Variants in POT1 observed in about 807,000 individuals in gnomAD.
POT1 encodes the protein protection of telomeres protein 1.
A neutral mutation model predicts 78.5 loss-of-function variants in POT1; 47 were observed. That is an observed-to-expected ratio of 0.60 (90% CI 0.47 to 0.76). The LOEUF (loss-of-function observed/expected upper bound fraction) is 0.76. Among genes scored for constraint, POT1 ranks in the 30% least tolerant of loss-of-function variants. The pLI is 0.00. For missense variants in POT1, 646 were observed against 749.9 expected (o/e 0.86, Z 1.62); for synonymous variants, 259 against 260.7 (o/e 0.99, Z 0.06).
intron 14 of POT1, among the ~76,000 whole-genome samples, chr7:124,837,818 A>C (rs571325899): frequency 1.1e-3 from 161 of 152,300 alleles, no homozygotes; most frequent in African/African-American, 3.7e-3. Context: ...AAAGTATTTA[A>C]AAATTGAATC....
At chr7:124,864,932 G>C (rs1348594896) in intron 7 of POT1, among the ~76,000 whole-genome samples, 1 of 152,004 alleles carries the variant, frequency 6.6e-6, no homozygotes, top group Non-Finnish European at 1.5e-5. Flanking sequence ...TAACTATCCA[G>C]CTTCTAGTTG....
intron 15 of POT1, among the ~76,000 whole-genome samples, chr7:124,833,098 T>C (rs1028133091): frequency 2.6e-4 from 40 of 152,118 alleles, no homozygotes; most frequent in African/African-American, 9.7e-4. Context: ...ATTGGCTTAA[T>C]TAAAAATCAT....
intron 6 of POT1, among the ~76,000 whole-genome samples, chr7:124,888,723 A>G (rs2116620250): frequency 6.6e-6 from 1 of 152,124 alleles, no homozygotes; most frequent in Non-Finnish European, 1.5e-5. Flanking sequence ...TAATCCTCAC[A>G]ATACTTCAGA....
At chr7:124,894,486 G>T (rs772199617) in intron 5 of POT1, among the ~76,000 whole-genome samples, 1 of 151,596 alleles carries the variant, frequency 6.6e-6, no homozygotes, top group Non-Finnish European at 1.5e-5. Context: ...ACAACTTCTT[G>T]TTTGGCTTTC....
intron 6 of POT1, among the ~76,000 whole-genome samples, chr7:124,884,873 A>C (rs1796207260): frequency 6.6e-6 from 1 of 152,200 alleles, no homozygotes; most frequent in African/African-American, 2.4e-5. Flanking sequence ...GCAGATAATA[A>C]AAACAGAGTA....
chr7:124,858,854 C>T, intron 9 of POT1, 103 bp downstream of exon 9: 1 of 639,078 alleles, frequency 1.6e-6, no homozygotes. Context: ...AATTTCTAGA[C>T]TGTATCACCT....
chr7:124,907,925 T>C (rs1338827435), intron 3 of POT1, among the ~76,000 whole-genome samples: 1 of 152,026 alleles, frequency 6.6e-6, no homozygotes, highest in African/African-American at 2.4e-5. Context: ...TGTTAGTACC[T>C]CCTAATAAAG....
At chr7:124,831,513 TACAACCACATCATATA>T (rs1794757060) in intron 15 of POT1, among the ~76,000 whole-genome samples, 1 of 152,114 alleles carries the variant, frequency 6.6e-6, no homozygotes, top group African/African-American at 2.4e-5. Context: ...CATTTTTTAC[TACAACCACATCATATA>T]ATTTAAAAAA....
At chr7:124,906,461 G>GTTCC (rs765581225) in intron 3 of POT1, among the ~76,000 whole-genome samples, 24 of 142,700 alleles carry the variant, frequency 1.7e-4, no homozygotes, top group Non-Finnish European at 3.2e-4. Context: ...GACACAGGGT[G>GTTCC]GGGAACATCA....
intron 7 of POT1, among the ~76,000 whole-genome samples, chr7:124,866,132 T>C (rs1795717437): frequency 1.3e-5 from 2 of 152,148 alleles, no homozygotes; most frequent in South Asian, 4.1e-4. Context: ...TATGCTTTGT[T>C]AGGGTGATAC....
chr7:124,850,791 C>A (rs540415508), intron 11 of POT1, among the ~76,000 whole-genome samples: 1 of 151,546 alleles, frequency 6.6e-6, no homozygotes, highest in Non-Finnish European at 1.5e-5. Flanking sequence ...TGCCTGCAGG[C>A]ACTTACATGC....
chr7:124,825,979 C>T (rs1395081554), intron 17 of POT1, among the ~76,000 whole-genome samples: 4 of 152,226 alleles, frequency 2.6e-5, no homozygotes, highest in South Asian at 4.1e-4. Context: ...GCTTGTGGAA[C>T]GTAATCTCTA....
chr7:124,886,710 A>G (rs1048053978), intron 6 of POT1, among the ~76,000 whole-genome samples: 1 of 152,108 alleles, frequency 6.6e-6, no homozygotes. Flanking sequence ...TGAAGTAAAC[A>G]TATCTGATAG....
At chr7:124,907,707 C>G (rs1796799107) in intron 3 of POT1, among the ~76,000 whole-genome samples, 1 of 152,104 alleles carries the variant, frequency 6.6e-6, no homozygotes, top group Admixed American at 6.6e-5. Flanking sequence ...TGTAATACCA[C>G]TCTGGTGAGG....
At chr7:124,859,171 A>C in intron 8 of POT1, 59 bp from the exon 9 acceptor site, 1 of 1,360,216 alleles carries the variant, frequency 7.4e-7, no homozygotes, top group Middle Eastern at 1.9e-4. Flanking sequence ...TGTGCTAAAA[A>C]GTTTTTTCCT....
At chr7:124,849,739 G>A (rs1387291783) in intron 11 of POT1, among the ~76,000 whole-genome samples, 4 of 151,930 alleles carry the variant, frequency 2.6e-5, no homozygotes, top group Admixed American at 2.6e-4. Flanking sequence ...AATGAAAAAT[G>A]AAAAAAGCAT....
chr7:124,831,934 AAG>A (rs1184571591), intron 15 of POT1, among the ~76,000 whole-genome samples: 1 of 151,686 alleles, frequency 6.6e-6, no homozygotes, highest in East Asian at 1.9e-4. Flanking sequence ...TCTGAGAAAA[AAG>A]AGTTAGAGAA....
intron 5 of POT1, among the ~76,000 whole-genome samples, chr7:124,894,565 G>A (rs1796448470): frequency 6.6e-6 from 1 of 151,528 alleles, no homozygotes; most frequent in African/African-American, 2.4e-5. Flanking sequence ...TTCATAAATT[G>A]ATATTTTTTG....
intron 3 of POT1, among the ~76,000 whole-genome samples, chr7:124,901,788 G>A (rs1257874207): frequency 1.3e-5 from 2 of 152,114 alleles, no homozygotes; most frequent in African/African-American, 4.8e-5. Flanking sequence ...CTTGAAAACA[G>A]ATTAGACGAA....
Sources: allele counts gnomAD v4.1 joint callset (sites outside exome capture counted in the v4.1 genomes callset), GRCh38; gene constraint gnomAD v4.1.1; transcripts MANE v1.5; gene names NCBI Gene and HGNC (gene_info 2026-07-23, HGNC 2026-07-21).